The following ADGRB3 variants were observed in gnomAD, a reference collection of about 807,000 sequenced individuals.
The protein encoded by ADGRB3 is adhesion G protein-coupled receptor B3.
In ADGRB3, 37 loss-of-function variants were observed where a neutral mutation model predicts 193.4. That is an observed-to-expected ratio of 0.19 (90% CI 0.15 to 0.25). The LOEUF (loss-of-function observed/expected upper bound fraction) is 0.25, where lower values mean the gene tolerates loss of function less well. ADGRB3 is among the 10% of genes least tolerant of loss of function. The pLI is 1.00. For missense variants in ADGRB3, 1,637 were observed against 1,852.9 expected (o/e 0.88, Z 2.14); for synonymous variants, 690 against 644.2 (o/e 1.07, Z -1.08).
At chr6:68,981,533 A>G (rs894120224) in intron 10 of ADGRB3, among the ~76,000 whole-genome samples, 2 of 151,614 alleles carry the variant, frequency 1.3e-5, no homozygotes, top group Non-Finnish European at 3.0e-5. Context: ...TATGTATTGT[A>G]TTATAAGTCT....
At chr6:68,883,647 T>C (rs1053044927) in intron 3 of ADGRB3, among the ~76,000 whole-genome samples, 85 of 152,104 alleles carry the variant, frequency 5.6e-4, no homozygotes, top group African/African-American at 2.0e-3. Context: ...GCTGTAACAC[T>C]CACCGCAAAG....
Position 68,896,981 on chromosome 6 carries a change from C to T in ADGRB3, c.758-33578C>T, listed in dbSNP as rs9454640. ...TACACACAAAAGCCACTCCCAGCAGCTCCTCTGGGGGTTACAAGATCAATC... is the reference window on the plus strand; with the variant it reads ...TACACACAAAAGCCACTCCCAGCAGTTCCTCTGGGGGTTACAAGATCAATC... On this transcript the variant is annotated intron_variant, in intron 3 of 31. Coordinates refer to ENST00000370598, the MANE Select transcript of ADGRB3 (RefSeq NM_001704.3). 9.7e-3 allele frequency among the ~76,000 whole-genome samples: 1,481 copies of T among 152,230 alleles called. 38 individuals are homozygous for T. Among genetic ancestry groups the T allele is most frequent in the African/African-American group, 0.034 (1,407 of 41,540 alleles).
intron 3 of ADGRB3, among the ~76,000 whole-genome samples, chr6:68,865,622 T>G (rs1016303009): frequency 1.1e-4 from 16 of 152,146 alleles, no homozygotes; most frequent in African/African-American, 3.6e-4. Context: ...GGTCCCTTTA[T>G]CTGGTGGACA....
intron 20 of ADGRB3, among the ~76,000 whole-genome samples, chr6:69,298,216 T>C (rs754458089): frequency 1.3e-4 from 20 of 152,016 alleles, no homozygotes; most frequent in Non-Finnish European, 2.2e-4. Flanking sequence ...GGTGAGCCAA[T>C]GGAACATTGC....
intron 3 of ADGRB3, among the ~76,000 whole-genome samples, chr6:68,747,924 G>A (rs1766116755): frequency 6.6e-6 from 1 of 152,134 alleles, no homozygotes; most frequent in African/African-American, 2.4e-5. Flanking sequence ...CAGAATCATG[G>A]CGGGAGGTGA....
intron 17 of ADGRB3, among the ~76,000 whole-genome samples, chr6:69,108,794 T>A (rs1773288764): frequency 6.6e-6 from 1 of 152,126 alleles, no homozygotes; most frequent in Non-Finnish European, 1.5e-5. Context: ...CCCTCAAGAA[T>A]CAGAAAAGCC....
intron 3 of ADGRB3, among the ~76,000 whole-genome samples, chr6:68,677,662 C>T (rs1379003626): frequency 2.0e-5 from 3 of 151,636 alleles, no homozygotes; most frequent in Non-Finnish European, 4.4e-5. Context: ...GGACGACAGA[C>T]GCGCACCAAC....
chr6:68,724,119 T>C (rs903553907), intron 3 of ADGRB3, among the ~76,000 whole-genome samples: 5 of 151,240 alleles, frequency 3.3e-5, no homozygotes, highest in African/African-American at 1.2e-4. Context: ...ACAACCTCAG[T>C]GGAAAGATTG....
chr6:68,775,530 C>T (rs1437814539), intron 3 of ADGRB3, among the ~76,000 whole-genome samples: 1 of 152,078 alleles, frequency 6.6e-6, no homozygotes, highest in Non-Finnish European at 1.5e-5. Context: ...AAGAGGGGCC[C>T]AAATCTCATG....
chr6:69,168,061 G>A (rs929569118), intron 17 of ADGRB3, among the ~76,000 whole-genome samples: 10 of 152,224 alleles, frequency 6.6e-5, no homozygotes, highest in Admixed American at 3.9e-4. Flanking sequence ...GATGCAGAAC[G>A]GAGACTCTTA....
intron 3 of ADGRB3, among the ~76,000 whole-genome samples, chr6:68,650,122 G>A (rs915270672): frequency 6.6e-6 from 1 of 152,080 alleles, no homozygotes; most frequent in African/African-American, 2.4e-5. Context: ...AAAATAAATC[G>A]GAAATCAGTG....
At chr6:68,698,213 C>T (rs1765187990) in intron 3 of ADGRB3, among the ~76,000 whole-genome samples, 2 of 151,810 alleles carry the variant, frequency 1.3e-5, no homozygotes, top group Admixed American at 1.3e-4. Context: ...AATTGTCTTG[C>T]AATTTAGAAC....
intron 3 of ADGRB3, among the ~76,000 whole-genome samples, chr6:68,691,964 T>G (rs1205143786): frequency 1.3e-5 from 2 of 151,694 alleles, no homozygotes; most frequent in Non-Finnish European, 2.9e-5. Context: ...ATGAAATCAG[T>G]GAAAGAAGCT....
chr6:69,095,310 G>A (rs1406676969), intron 17 of ADGRB3, among the ~76,000 whole-genome samples: 1 of 148,474 alleles, frequency 6.7e-6, no homozygotes, highest in Admixed American at 6.9e-5. Flanking sequence ...ATCATGGGAG[G>A]CCTTCAACAG....
At chr6:69,227,173 C>T (rs1233914531) in intron 17 of ADGRB3, among the ~76,000 whole-genome samples, 1 of 152,104 alleles carries the variant, frequency 6.6e-6, no homozygotes, top group Non-Finnish European at 1.5e-5. Flanking sequence ...TTGAAGAGTG[C>T]ATTCTGGGCC....
At chr6:69,032,281 A>C (rs1205954384) in intron 13 of ADGRB3, among the ~76,000 whole-genome samples, 1 of 152,218 alleles carries the variant, frequency 6.6e-6, no homozygotes, top group African/African-American at 2.4e-5. Flanking sequence ...GGAAGGTGAA[A>C]TCTAAAGTCA....
chr6:69,077,111 A>C (rs1052512321), intron 17 of ADGRB3, among the ~76,000 whole-genome samples: 1 of 152,060 alleles, frequency 6.6e-6, no homozygotes, highest in Admixed American at 6.6e-5. Flanking sequence ...AGTCCAGTAC[A>C]ATAGTTAAGT....
intron 4 of ADGRB3, among the ~76,000 whole-genome samples, chr6:68,932,311 T>A (rs1767361999): frequency 6.6e-6 from 1 of 152,194 alleles, no homozygotes; most frequent in Non-Finnish European, 1.5e-5. Context: ...TATGTGTAAA[T>A]ATTATGCAAT....
At chr6:69,317,831 C>T (rs1429392684) in intron 20 of ADGRB3, among the ~76,000 whole-genome samples, 3 of 151,130 alleles carry the variant, frequency 2.0e-5, no homozygotes, top group East Asian at 1.9e-4. Context: ...GAAGACAAAT[C>T]GGTAATGTTT....
Sources: allele counts gnomAD v4.1 joint callset (sites outside exome capture counted in the v4.1 genomes callset), GRCh38; gene constraint gnomAD v4.1.1; transcripts MANE v1.5; gene names NCBI Gene and HGNC (gene_info 2026-07-23, HGNC 2026-07-21).